The following UTRN variants were observed in gnomAD, a reference collection of about 807,000 sequenced individuals.
UTRN encodes the protein utrophin.
Under a neutral mutation model 463.9 loss-of-function variants are expected in UTRN, and 283 were observed. The observed-to-expected ratio is 0.61, with a 90% confidence interval of 0.55 to 0.67. UTRN has a LOEUF of 0.67. UTRN is among the 30% of genes least tolerant of loss of function. UTRN has a pLI of 0.00. For synonymous variants in UTRN, 1,442 were observed against 1,431.5 expected (o/e 1.01, Z -0.17); for missense variants, 3,922 against 4,084.3 (o/e 0.96, Z 1.08).
intron 60 of UTRN, among the ~76,000 whole-genome samples, chr6:144,776,318 C>A (rs1406906891): frequency 1.3e-5 from 2 of 152,194 alleles, no homozygotes; most frequent in Non-Finnish European, 2.9e-5. Flanking sequence ...GGTTCTCTCA[C>A]CTTAGTGACA....
At chr6:144,840,615 A>T in intron 72 of UTRN, 125 bp from the exon 73 acceptor site, 1 of 1,066,168 alleles carries the variant, frequency 9.4e-7, no homozygotes, top group Non-Finnish European at 1.3e-6. Flanking sequence ...GTCCTTTGCA[A>T]TGGGAAATCT....
At chr6:144,408,373 G>A (rs1326297378) in intron 3 of UTRN, among the ~76,000 whole-genome samples, 1 of 152,226 alleles carries the variant, frequency 6.6e-6, no homozygotes, top group Non-Finnish European at 1.5e-5. Context: ...AATTTGCTCT[G>A]ACTTTGAGCC....
At position 144,533,862 on chromosome 6, in the gene UTRN, T is replaced by A. The variant is rs573724873; in HGVS notation, c.6233+602T>A. ...CCCAACACTATAGACACTTTCCATA[T>A]TTAAAATTATTTGACATTATTTTCT... On this transcript the variant is annotated intron_variant, in intron 43 of 74. Transcript: ENST00000367545. Among the ~76,000 whole-genome samples, 222 of 152,264 alleles carry A rather than the reference T, an allele frequency of 1.5e-3. 2 individuals are homozygous for A. The highest frequency in any genetic ancestry group is 5.1e-3 in the African/African-American group (210 of 41,582).
intron 56 of UTRN, 140 bp downstream of exon 56, chr6:144,752,092 G>T: frequency 1.2e-6 from 1 of 856,580 alleles, no homozygotes; most frequent in Non-Finnish European, 1.6e-6. Context: ...ATGACATCAG[G>T]TATTTGTCTT....
intron 53 of UTRN, among the ~76,000 whole-genome samples, chr6:144,716,469 A>G (rs1786460686): frequency 6.6e-6 from 1 of 152,166 alleles, no homozygotes; most frequent in African/African-American, 2.4e-5. Context: ...ATAAAGGGAA[A>G]GTTTTATAAT....
At chr6:144,577,835 T>A (rs1005503085) in intron 51 of UTRN, among the ~76,000 whole-genome samples, 1 of 152,180 alleles carries the variant, frequency 6.6e-6, no homozygotes, top group African/African-American at 2.4e-5. Context: ...TTATAAGGAA[T>A]CTTATGAAAT....
intron 2 of UTRN, among the ~76,000 whole-genome samples, chr6:144,303,865 A>C (rs1049250420): frequency 2.0e-5 from 3 of 152,230 alleles, no homozygotes; most frequent in Non-Finnish European, 4.4e-5. Flanking sequence ...AGAGTAGTCT[A>C]ATGTGATGCT....
chr6:144,462,126 A>G (rs1335903431), intron 22 of UTRN, among the ~76,000 whole-genome samples: 1 of 151,992 alleles, frequency 6.6e-6, no homozygotes, highest in African/African-American at 2.4e-5. Context: ...TGTTCTCATT[A>G]TTCAGCTCCC....
At chr6:144,385,714 T>C (rs1181030993) in intron 2 of UTRN, among the ~76,000 whole-genome samples, 3 of 152,006 alleles carry the variant, frequency 2.0e-5, no homozygotes, top group African/African-American at 7.3e-5. Context: ...CTATTTTTTT[T>C]TTTTTTTCTT....
intron 51 of UTRN, among the ~76,000 whole-genome samples, chr6:144,653,709 A>G (rs181432273): frequency 2.6e-5 from 4 of 152,308 alleles, no homozygotes; most frequent in Admixed American, 2.0e-4. Flanking sequence ...TTTCAGCTCA[A>G]TAAGTCAAGT....
chr6:144,600,913 T>TGCTC (rs972954620), intron 51 of UTRN, among the ~76,000 whole-genome samples: 1 of 152,190 alleles, frequency 6.6e-6, no homozygotes, highest in Non-Finnish European at 1.5e-5. Flanking sequence ...TTGAAACCAT[T>TGCTC]GCTCACCTAC....
At chr6:144,525,253 A>G (rs1414896897) in intron 41 of UTRN, among the ~76,000 whole-genome samples, 1 of 152,156 alleles carries the variant, frequency 6.6e-6, no homozygotes, top group Non-Finnish European at 1.5e-5. Context: ...TAGTGTCAGT[A>G]GGATTGGTAC....
chr6:144,803,754 G>A (rs548173740), intron 65 of UTRN, among the ~76,000 whole-genome samples: 2 of 151,918 alleles, frequency 1.3e-5, no homozygotes, highest in Middle Eastern at 3.4e-3. Flanking sequence ...ATTTTCTGAT[G>A]TTATAAATAA....
intron 50 of UTRN, among the ~76,000 whole-genome samples, chr6:144,561,417 C>A (rs564609520): frequency 9.3e-5 from 14 of 150,740 alleles, no homozygotes; most frequent in African/African-American, 3.2e-4. Context: ...TATATATATG[C>A]ACACTCATGT....
At chr6:144,806,128 C>A (rs1011429526) in intron 65 of UTRN, among the ~76,000 whole-genome samples, 3 of 152,060 alleles carry the variant, frequency 2.0e-5, no homozygotes, top group African/African-American at 4.8e-5. Context: ...TATAATAATT[C>A]TTAATGGCTT....
intron 33 of UTRN, among the ~76,000 whole-genome samples, chr6:144,496,981 T>C (rs1331245145): frequency 2.6e-5 from 4 of 152,154 alleles, no homozygotes; most frequent in African/African-American, 9.7e-5. Context: ...GTGAGGAACA[T>C]GGTGCTAGGG....
chr6:144,417,743 G>C (rs2114836680), intron 3 of UTRN, among the ~76,000 whole-genome samples: 1 of 152,228 alleles, frequency 6.6e-6, no homozygotes, highest in South Asian at 2.1e-4. Context: ...CATTCCAATT[G>C]GTTTATTTGT....
intron 50 of UTRN, among the ~76,000 whole-genome samples, chr6:144,575,583 G>A (rs1052854954): frequency 2.0e-5 from 3 of 152,064 alleles, no homozygotes; most frequent in Non-Finnish European, 4.4e-5. Context: ...TCACATTGAC[G>A]GAAGTTTTAC....
intron 34 of UTRN, among the ~76,000 whole-genome samples, chr6:144,508,517 C>T (rs1794892322): frequency 6.6e-6 from 1 of 152,218 alleles, no homozygotes; most frequent in African/African-American, 2.4e-5. Flanking sequence ...TCCCCAACCT[C>T]TTGCGCTTCC....
Sources: gnomAD v4.1 joint callset for allele counts (sites outside exome capture counted in the v4.1 genomes callset) on GRCh38, gnomAD v4.1.1 for gene constraint, MANE v1.5 for transcripts, NCBI Gene and HGNC (gene_info 2026-07-23, HGNC 2026-07-21) for gene names.